The following CRTAM variants were observed in gnomAD, a reference collection of about 807,000 sequenced individuals.
CRTAM encodes the protein cytotoxic and regulatory T cell molecule, also known as cytotoxic and regulatory T-cell molecule.
A neutral mutation model predicts 50.0 loss-of-function variants in CRTAM; 44 were observed. That is an observed-to-expected ratio of 0.88 (90% CI 0.69 to 1.13). The LOEUF is 1.13. Among genes scored for constraint, CRTAM ranks in the 50% most tolerant of loss-of-function variants. The probability of loss-of-function intolerance (pLI) is 0.00; values close to 1 mark genes in which losing one functional copy is unlikely to be tolerated. For synonymous variants in CRTAM, 159 were observed against 169.3 expected, an observed-to-expected ratio of 0.94 and a Z score of 0.47; for missense variants, 448 against 457.5, an observed-to-expected ratio of 0.98 and a Z score of 0.19.
intron 5 of CRTAM, among the ~76,000 whole-genome samples, chr11:122,861,123 A>G (rs982215761): frequency 2.0e-5 from 3 of 152,020 alleles, no homozygotes; most frequent in Non-Finnish European, 4.4e-5. Flanking sequence ...GTCAGAGTTC[A>G]TTTTAGCCTT....
At chr11:122,852,310 C>T (rs1241213224) in intron 3 of CRTAM, among the ~76,000 whole-genome samples, 1 of 152,160 alleles carries the variant, frequency 6.6e-6, no homozygotes, top group Non-Finnish European at 1.5e-5. Context: ...TGCTCAAATC[C>T]TCTCTGCCAA....
chr11:122,862,945 A>G (rs1164984964), intron 6 of CRTAM, among the ~76,000 whole-genome samples: 1 of 152,252 alleles, frequency 6.6e-6, no homozygotes, highest in Non-Finnish European at 1.5e-5. Context: ...TGGTATCAAC[A>G]AAGAGAAAAG....
intron 3 of CRTAM, among the ~76,000 whole-genome samples, 158 bp downstream of exon 3, chr11:122,852,003 A>T (rs960398578): frequency 5.3e-5 from 8 of 152,206 alleles, no homozygotes; most frequent in Non-Finnish European, 1.0e-4. Flanking sequence ...AGAAGAGAGC[A>T]TTTTGAGAAG....
At chr11:122,870,515 G>A (rs528325083) in intron 9 of CRTAM, among the ~76,000 whole-genome samples, 47 of 152,266 alleles carry the variant, frequency 3.1e-4, no homozygotes, top group African/African-American at 1.1e-3. Flanking sequence ...CCTTGCCTTA[G>A]CACCCTCAAA....
intron 9 of CRTAM, among the ~76,000 whole-genome samples, chr11:122,870,089 T>A (rs535575022): frequency 3.2e-4 from 48 of 152,074 alleles, no homozygotes; most frequent in African/African-American, 1.2e-3. Flanking sequence ...TTTTCTTTCT[T>A]TTTTTTTGAG....
At chr11:122,862,434 TA>T (rs754910695) in intron 5 of CRTAM, 29 bp from the exon 6 acceptor site, 3 of 1,407,996 alleles carry the variant, frequency 2.1e-6, no homozygotes, top group Admixed American at 3.3e-5. Flanking sequence ...CTCTCTATAG[TA>T]GCAGAATTTT....
chr11:122,871,003 C>T (rs556538041), intron 9 of CRTAM, among the ~76,000 whole-genome samples: 4 of 151,848 alleles, frequency 2.6e-5, no homozygotes, highest in Admixed American at 6.6e-5. Context: ...CACTTGAGCC[C>T]GGGAGGCTGA....
chr11:122,854,185 G>T (rs1861974533), intron 4 of CRTAM, 99 bp downstream of exon 4: 1 of 1,179,920 alleles, frequency 8.5e-7, no homozygotes, highest in Middle Eastern at 2.3e-4. Context: ...AATGCCAGAA[G>T]ACATCATTTA....
chr11:122,854,523 A>G (rs1365052207), intron 4 of CRTAM, among the ~76,000 whole-genome samples: 10 of 151,814 alleles, frequency 6.6e-5, no homozygotes, highest in Non-Finnish European at 1.5e-4. Context: ...AAATAAAATT[A>G]GCTGGGTTTG....
intron 9 of CRTAM, among the ~76,000 whole-genome samples, chr11:122,870,226 A>G (rs1157246998): frequency 6.6e-6 from 1 of 152,030 alleles, no homozygotes; most frequent in African/African-American, 2.4e-5. Flanking sequence ...GACTACAGGC[A>G]CGCACCACCA....
intron 1 of CRTAM, among the ~76,000 whole-genome samples, chr11:122,843,415 T>A (rs1861823392): frequency 6.6e-6 from 1 of 152,106 alleles, no homozygotes; most frequent in African/African-American, 2.4e-5. Flanking sequence ...TCTGTAAACA[T>A]CACCTACCGT....
chr11:122,859,634 G>A (rs1862047981), intron 5 of CRTAM, among the ~76,000 whole-genome samples: 1 of 152,080 alleles, frequency 6.6e-6, no homozygotes, highest in Non-Finnish European at 1.5e-5. Flanking sequence ...ATTGGAAAAG[G>A]GTAGAATATT....
chr11:122,867,464 C>T lies in CRTAM; in HGVS notation c.873C>T (p.Leu291=). 3 of 1,614,034 alleles carry T rather than the reference C, an allele frequency of 1.9e-6. No homozygotes were observed. Among genetic ancestry groups the T allele is most frequent in the Admixed American group, 1.7e-5 (1 of 60,018 alleles). Residue 291 remains leucine, a synonymous_variant, in exon 8 of 10, where the codon CTC becomes CTT. Coordinates refer to ENST00000227348, the MANE Select transcript of CRTAM (RefSeq NM_019604.4). ...GAAAGAAAAGTGGCATCCTGCTGCT[C>T]ACGCTGGTGTCCTTCCTCATTTTCA... ...LARKKSGILL[L]TLVSFLIFIL... is the part of the protein sequence containing the mutation.
chr11:122,860,397 C>T (rs958640896), intron 5 of CRTAM, among the ~76,000 whole-genome samples: 1 of 152,016 alleles, frequency 6.6e-6, no homozygotes, highest in African/African-American at 2.4e-5. Context: ...TTTAAATAGT[C>T]GTTGGAGCTA....
Position 122,855,832 on chromosome 11 carries a change from G to A in CRTAM, c.628G>A (p.Ala210Thr). The part of the protein sequence containing the change: ...HRGLQGRKLV[A>T]PFRFEDLVTD... ...AGGCCTGCAAGGGAGAAAACTAGTAGCACCCTTCCGGTTTGAAGATTTGGG... is the reference window on the plus strand; with the variant it reads ...AGGCCTGCAAGGGAGAAAACTAGTAACACCCTTCCGGTTTGAAGATTTGGG... Residue 210 changes from alanine (A) to threonine (T), a missense_variant, in exon 5 of 10, where the codon GCA becomes ACA. Physicochemically the swap from Ala to Thr is moderately conservative, Grantham distance 58. Coordinates refer to ENST00000227348, the MANE Select transcript of CRTAM (RefSeq NM_019604.4). The A allele has an allele frequency of 1.2e-6, 2 of 1,613,304 alleles. No individual in the cohort carries two copies. Among genetic ancestry groups the A allele is most frequent in the Non-Finnish European group, 1.7e-6 (2 of 1,179,738 alleles).
At chr11:122,869,661 A>T (rs1862227152) in intron 9 of CRTAM, among the ~76,000 whole-genome samples, 1 of 152,194 alleles carries the variant, frequency 6.6e-6, no homozygotes, top group Non-Finnish European at 1.5e-5. Context: ...AGCTGCAAGA[A>T]ATACAGCGAG....
chr11:122,867,887 A>C, intron 8 of CRTAM, 126 bp from the exon 9 acceptor site: 1 of 658,496 alleles, frequency 1.5e-6, no homozygotes. Flanking sequence ...TTAATGAGGT[A>C]TGAGTTATGG....
intron 7 of CRTAM, among the ~76,000 whole-genome samples, chr11:122,865,562 A>G (rs59230519): frequency 0.12 from 18,830 of 152,158 alleles, 1,351 homozygotes; most frequent in African/African-American, 0.17. Flanking sequence ...CTGGGATTAC[A>G]GGTGTGAGCC....
chr11:122,859,430 T>TG (rs1006158399), intron 5 of CRTAM, among the ~76,000 whole-genome samples: 51 of 7,282 alleles, frequency 7.0e-3, no homozygotes, highest in African/African-American at 0.052. Context: ...CATATTTTAA[T>TG]GAAAAAAAAA....
Sources: gnomAD v4.1 joint callset for allele counts (sites outside exome capture counted in the v4.1 genomes callset) on GRCh38, gnomAD v4.1.1 for gene constraint, MANE v1.5 for transcripts, NCBI Gene and HGNC (gene_info 2026-07-23, HGNC 2026-07-21) for gene names.